The following SPDYE14 variants were observed in gnomAD, a reference collection of about 807,000 sequenced individuals.
SPDYE14 encodes speedy/RINGO cell cycle regulator family member E14.
chr7:75,265,021 GTTTT>G, the SPDYE14 span, among the ~76,000 whole-genome samples: 1 of 35,134 alleles, frequency 2.8e-5, no homozygotes, highest in African/African-American at 7.1e-5. Flanking sequence ...TTCTTTGCCT[GTTTT>G]TTTTTTTTTT....
the SPDYE14 span, chr7:75,237,708 C>G: frequency 9.0e-6 from 1 of 110,530 alleles, no homozygotes; most frequent in Non-Finnish European, 2.1e-5. Context: ...TAACAAACAA[C>G]TTGCCACTCA....
chr7:75,254,172 T>C, the SPDYE14 span, among the ~76,000 whole-genome samples: 1 of 47,348 alleles, frequency 2.1e-5, no homozygotes, highest in Non-Finnish European at 5.2e-5. Context: ...GAGCTGAGAT[T>C]GCACCACTGC....
chr7:75,275,436 C>A, the SPDYE14 span, among the ~76,000 whole-genome samples: 1 of 48,064 alleles, frequency 2.1e-5, no homozygotes, highest in African/African-American at 4.8e-5. Context: ...TTACCCCCAA[C>A]CCTGTGCTCC....
chr7:75,276,579 A>C, the SPDYE14 span, among the ~76,000 whole-genome samples: 1 of 8,608 alleles, frequency 1.2e-4, no homozygotes, highest in Non-Finnish European at 2.5e-4. Flanking sequence ...ACTCTGTCTC[A>C]AAAAAAAAAA....
At chr7:75,275,761 AAAGT>A in the SPDYE14 span, among the ~76,000 whole-genome samples, 2 of 42,452 alleles carry the variant, frequency 4.7e-5, 1 homozygote, top group Non-Finnish European at 1.3e-4. Context: ...AAAAAAAAAA[AAAGT>A]AGACAGAAGA....
At chr7:75,266,129 G>T in the SPDYE14 span, among the ~76,000 whole-genome samples, 1 of 40,392 alleles carries the variant, frequency 2.5e-5, no homozygotes. Flanking sequence ...TGACTCTTTA[G>T]TTCTTTTTTC....
chr7:75,266,149 C>CTTTTTTTTTTTTTTTTT, the SPDYE14 span, among the ~76,000 whole-genome samples: 1 of 10,132 alleles, frequency 9.9e-5, no homozygotes, highest in African/African-American at 2.1e-4. Context: ...CTTTCTTTTC[C>CTTTTTTTTTTTTTTTTT]TTTTTTTTTT....
chr7:75,265,318 A>T, the SPDYE14 span, among the ~76,000 whole-genome samples: 803 of 84,096 alleles, frequency 9.5e-3, 7 homozygotes, highest in African/African-American at 0.033. Context: ...GATGTTGGTC[A>T]GGATAATCTC....
the SPDYE14 span, among the ~76,000 whole-genome samples, chr7:75,268,888 A>G: frequency 7.4e-5 from 2 of 27,058 alleles, no homozygotes; most frequent in African/African-American, 1.6e-4. Context: ...AGAGAGAGAG[A>G]GAGAGAAAGG....
the SPDYE14 span, among the ~76,000 whole-genome samples, chr7:75,272,985 G>T: frequency 8.4e-4 from 49 of 58,392 alleles, 14 homozygotes; most frequent in African/African-American, 2.0e-3. Flanking sequence ...TTAAATCACG[G>T]GGCGGATTTC....
the SPDYE14 span, among the ~76,000 whole-genome samples, chr7:75,271,360 G>T: frequency 2.8e-4 from 13 of 45,864 alleles, 5 homozygotes; most frequent in Admixed American, 2.8e-3. Flanking sequence ...GACAGAGTAT[G>T]ACCCTGTCTC....
At chr7:75,271,941 G>A in the SPDYE14 span, among the ~76,000 whole-genome samples, 1 of 13,694 alleles carries the variant, frequency 7.3e-5, no homozygotes. Context: ...CACGATCTTG[G>A]CTCACTGCAA....
the SPDYE14 span, among the ~76,000 whole-genome samples, chr7:75,268,714 A>T: frequency 6.3e-4 from 35 of 55,526 alleles, 7 homozygotes; most frequent in African/African-American, 1.8e-3. Flanking sequence ...CCCTATCTCT[A>T]CAAAAAAACA....
At chr7:75,274,989 C>T in the SPDYE14 span, among the ~76,000 whole-genome samples, 2 of 61,860 alleles carry the variant, frequency 3.2e-5, 1 homozygote, top group Non-Finnish European at 8.5e-5. Flanking sequence ...CGCCTCTGCC[C>T]GGCCGCCCCT....
chr7:75,241,695 ATTTTTTTT>A, the SPDYE14 span, among the ~76,000 whole-genome samples: 1 of 15,490 alleles, frequency 6.5e-5, no homozygotes, highest in Non-Finnish European at 1.4e-4. Flanking sequence ...ATATATATAT[ATTTTTTTT>A]TTTTTTTTTG....
At chr7:75,241,693 A>ATTT in the SPDYE14 span, among the ~76,000 whole-genome samples, 2 of 22,706 alleles carry the variant, frequency 8.8e-5, no homozygotes, top group Non-Finnish European at 1.1e-4. Flanking sequence ...ATATATATAT[A>ATTT]TATTTTTTTT....
the SPDYE14 span, among the ~76,000 whole-genome samples, chr7:75,251,496 C>T: frequency 3.0e-4 from 19 of 62,670 alleles, 1 homozygote; most frequent in South Asian, 8.3e-3. Context: ...AAGCCTCACG[C>T]CGGCTAATTT....
At chr7:75,278,942 C>CAAAAAAA in the SPDYE14 span, among the ~76,000 whole-genome samples, 2 of 41,470 alleles carry the variant, frequency 4.8e-5, no homozygotes, top group African/African-American at 2.8e-4. Flanking sequence ...ACTCTGTTTC[C>CAAAAAAA]AAAAAAAAAA....
the SPDYE14 span, among the ~76,000 whole-genome samples, chr7:75,264,540 T>G: frequency 1.7e-5 from 1 of 57,670 alleles, no homozygotes; most frequent in African/African-American, 4.2e-5. Flanking sequence ...ATGTAGCTTT[T>G]CTTTATTTTA....
Sources: allele counts gnomAD v4.1 joint callset (sites outside exome capture counted in the v4.1 genomes callset), GRCh38; gene constraint gnomAD v4.1.1; transcripts MANE v1.5; gene names NCBI Gene and HGNC (gene_info 2026-07-23, HGNC 2026-07-21).